Variants in ABI3BP observed in about 807,000 individuals in gnomAD.
The protein encoded by ABI3BP is target of Nesh-SH3.
A neutral mutation model predicts 268.6 loss-of-function variants in ABI3BP; 216 were observed. The ratio of observed to expected loss-of-function variants is 0.80; its 90% CI spans 0.72 to 0.90. The LOEUF (loss-of-function observed/expected upper bound fraction) is 0.90, where lower values mean the gene tolerates loss of function less well. ABI3BP is among the 40% of genes least tolerant of loss of function. The pLI is 0.00. For missense variants in ABI3BP, 2,090 were observed against 2,182.4 expected (o/e 0.96, Z 0.84); for synonymous variants, 730 against 730.0 (o/e 1.00, Z 0.00).
intron 2 of ABI3BP, among the ~76,000 whole-genome samples, chr3:100,917,906 G>A (rs2059112452): frequency 6.6e-6 from 1 of 152,080 alleles, no homozygotes; most frequent in African/African-American, 2.4e-5. Flanking sequence ...ATCATACAAT[G>A]GCTTTCTGGT....
In ABI3BP at chr3:100,927,801, A is replaced by G. The variant is rs148399457; in HGVS notation, c.80-1320T>C. On this transcript the variant is annotated intron_variant, in intron 1 of 67. Coordinates refer to ENST00000471714, the MANE Select transcript of ABI3BP (RefSeq NM_001375547.2). ...CAACATGAGATTTGAATGGGGACAT[A>G]GAGCCAAATCATATCAATCAGTTAA... Among the ~76,000 whole-genome samples, 386 of 152,290 alleles carry G rather than the reference A, an allele frequency of 2.5e-3. 1 individual carries two copies. The highest frequency in any genetic ancestry group is 8.8e-3 in the African/African-American group (367 of 41,566).
intron 1 of ABI3BP, among the ~76,000 whole-genome samples, chr3:100,974,014 C>T (rs975146180): frequency 6.6e-6 from 1 of 152,046 alleles, no homozygotes; most frequent in African/African-American, 2.4e-5. Flanking sequence ...ATATGCCTAA[C>T]AAGTATGCCT....
At chr3:100,976,178 A>G (rs1457268019) in intron 1 of ABI3BP, among the ~76,000 whole-genome samples, 1 of 152,176 alleles carries the variant, frequency 6.6e-6, no homozygotes, top group Non-Finnish European at 1.5e-5. Flanking sequence ...GTTGTGAGAG[A>G]GCCCTCATTT....
chr3:100,838,083 G>T, intron 26 of ABI3BP, 127 bp downstream of exon 26: 2 of 1,075,638 alleles, frequency 1.9e-6, no homozygotes, highest in Non-Finnish European at 2.7e-6. Flanking sequence ...GCTACTTGGA[G>T]AAGATAATGA....
Position 100,902,644 on chromosome 3 carries a change from GGTGGAGCA to G in ABI3BP, c.294_301del (p.Ala99SerfsTer10). 4 of 1,613,920 alleles carry G rather than the reference GGTGGAGCA, an allele frequency of 2.5e-6. No homozygotes were observed. Among genetic ancestry groups the G allele is most frequent in the Non-Finnish European group, 3.4e-6 (4 of 1,179,838 alleles). On this transcript the variant is annotated frameshift_variant, in exon 3 of 68. Coordinates refer to ENST00000471714, the MANE Select transcript of ABI3BP (RefSeq NM_001375547.2). LOFTEE classifies it high-confidence loss of function. ...TGAACATGACTTCTTTTGACTTGGA[GGTGGAGCA>G]GGTCGCACAACTATCAGATATTTCG... is the stretch of plus-strand genomic sequence containing the variant.
At chr3:100,811,688 G>A in intron 47 of ABI3BP, 40 bp downstream of exon 47, 1 of 1,505,318 alleles carries the variant, frequency 6.6e-7, no homozygotes, top group African/African-American at 1.4e-5. Flanking sequence ...AATTTAAAAT[G>A]TGTGGAATAA....
At chr3:100,778,176 T>A (rs2096761034) in intron 59 of ABI3BP, 108 bp downstream of exon 59, 1 of 1,066,474 alleles carries the variant, frequency 9.4e-7, no homozygotes. Flanking sequence ...AACACAAACG[T>A]GTCACACACA....
intron 59 of ABI3BP, among the ~76,000 whole-genome samples, chr3:100,776,197 G>A (rs1009760968): frequency 1.3e-5 from 2 of 152,122 alleles, no homozygotes; most frequent in African/African-American, 4.8e-5. Flanking sequence ...CCGGGGAGAA[G>A]GAGTCACTTT....
chr3:100,787,810 A>G lies in ABI3BP; in HGVS notation c.4088-8T>C, dbSNP rs2097094751. The G allele has an allele frequency of 3.3e-6, 5 of 1,509,188 alleles. No homozygotes were observed. The highest frequency in any genetic ancestry group is 3.4e-4 in the Middle Eastern group (2 of 5,866). The allele number at this position is 1,509,188 out of a possible 1,614,324, so 93.5% of individuals were successfully genotyped here. ...TAGTTGTCCTATTCAGAACTAAAATAAAGTGGGATATAAATAGTTCATTTT... is the reference window on the plus strand; with the variant it reads ...TAGTTGTCCTATTCAGAACTAAAATGAAGTGGGATATAAATAGTTCATTTT... On this transcript the variant is annotated splice_polypyrimidine_tract_variant and splice_region_variant and intron_variant, in intron 56 of 67. Coordinates refer to ENST00000471714, the MANE Select transcript of ABI3BP (RefSeq NM_001375547.2).
At chr3:100,947,492 G>A (rs916592808) in intron 1 of ABI3BP, among the ~76,000 whole-genome samples, 5 of 151,928 alleles carry the variant, frequency 3.3e-5, no homozygotes, top group African/African-American at 1.2e-4. Flanking sequence ...TTTTTTTCTT[G>A]TATTTTAAAC....
At chr3:100,945,007 T>A (rs1301566370) in intron 1 of ABI3BP, among the ~76,000 whole-genome samples, 2 of 152,120 alleles carry the variant, frequency 1.3e-5, no homozygotes, top group Non-Finnish European at 2.9e-5. Context: ...GTGTTTGACT[T>A]TAGGTCGGCT....
chr3:100,863,853 G>GGA lies in ABI3BP; in HGVS notation c.1138+147_1138+148dup. 4.9e-6 allele frequency: 3 copies of GGA among 608,530 alleles called. No homozygotes were observed. The South Asian group carries it at 6.6e-5, about 13-fold the overall frequency. The allele number at this position is 608,530 out of a possible 1,614,324, so 37.7% of individuals were successfully genotyped here. On this transcript the variant is annotated intron_variant, in intron 12 of 67. Coordinates refer to ENST00000471714, the MANE Select transcript of ABI3BP (RefSeq NM_001375547.2). ...AACCCAACCAAACAATTTGTCATAG[G>GGA]GAGAGCCTCTTTGGGATCCTAAACT...
rs149800303 is a variant in ABI3BP at position 100,803,198 on chromosome 3, G to A, written c.3757+1594C>T. Among the ~76,000 whole-genome samples the A allele has an allele frequency of 7.6e-3, 1,114 of 146,044 alleles. 48 individuals carry two copies. The highest frequency in any genetic ancestry group is 0.025 in the African/African-American group (1,040 of 41,144). On this transcript the variant is annotated intron_variant, in intron 51 of 67. Coordinates refer to ENST00000471714, the MANE Select transcript of ABI3BP (RefSeq NM_001375547.2). ...AGGAGGCAGTTCTCTTACTCTGCTC[G>A]TTCAAACTCTGGATAAAAAGAATAA...
intron 1 of ABI3BP, among the ~76,000 whole-genome samples, chr3:100,979,083 T>G (rs2087835510): frequency 6.6e-6 from 1 of 152,162 alleles, no homozygotes; most frequent in East Asian, 1.9e-4. Context: ...CCACCTCAGA[T>G]CTACTGAGTC....
At chr3:100,786,501 T>A (rs1234581790) in intron 57 of ABI3BP, among the ~76,000 whole-genome samples, 1 of 152,166 alleles carries the variant, frequency 6.6e-6, no homozygotes, top group Non-Finnish European at 1.5e-5. Context: ...TAAGAATCAG[T>A]ATTATAGTGA....
chr3:100,881,654 A>T (rs899387211), intron 6 of ABI3BP, among the ~76,000 whole-genome samples: 3 of 134,832 alleles, frequency 2.2e-5, no homozygotes, highest in Non-Finnish European at 4.9e-5. Flanking sequence ...CAAAAAAAAG[A>T]GTGTCCTAGA....
Position 100,844,482 on chromosome 3 carries a change from T to C in ABI3BP, c.1723+1890A>G, listed in dbSNP as rs184989209. 22 of 983,784 alleles carry C rather than the reference T, an allele frequency of 2.2e-5. No homozygotes were observed. The East Asian group carries it at 1.9e-3, about 86-fold the overall frequency. The allele number at this position is 983,784 out of a possible 1,614,324, so 60.9% of individuals were successfully genotyped here. On this transcript the variant is annotated intron_variant, in intron 20 of 67. Coordinates refer to ENST00000471714, the MANE Select transcript of ABI3BP (RefSeq NM_001375547.2). ...GCAAAGCCAAAGGAAAAGGAGCCTG[T>C]AAAGGAAAGTGAAACAGAAAAATAG...
chr3:100,826,194 C>T (rs988477770), intron 34 of ABI3BP, among the ~76,000 whole-genome samples: 6 of 152,180 alleles, frequency 3.9e-5, no homozygotes, highest in Non-Finnish European at 8.8e-5. Flanking sequence ...TGGCCATCTG[C>T]AAGACAAGGA....
intron 51 of ABI3BP, among the ~76,000 whole-genome samples, chr3:100,799,523 G>T (rs1196049954): frequency 6.6e-6 from 1 of 152,126 alleles, no homozygotes; most frequent in South Asian, 2.1e-4. Flanking sequence ...CAGCCCAAAG[G>T]TTTCAGAGAG....
Sources: allele counts gnomAD v4.1 joint callset (sites outside exome capture counted in the v4.1 genomes callset), GRCh38; gene constraint gnomAD v4.1.1; transcripts MANE v1.5; gene names NCBI Gene and HGNC (gene_info 2026-07-23, HGNC 2026-07-21).